The following CRTAC1 variants were observed in gnomAD, a reference collection of about 807,000 sequenced individuals.
The protein encoded by CRTAC1 is acidic secreted protein in cartilage.
In CRTAC1, 37 loss-of-function variants were observed where a neutral mutation model predicts 67.8. The ratio of observed to expected loss-of-function variants is 0.55; its 90% CI spans 0.42 to 0.72. The LOEUF (loss-of-function observed/expected upper bound fraction) is 0.72. CRTAC1 is among the 30% of genes least tolerant of loss of function. CRTAC1 has a pLI of 0.00. For missense variants in CRTAC1, 780 were observed against 931.6 expected (o/e 0.84, Z 2.12); for synonymous variants, 348 against 371.0 (o/e 0.94, Z 0.71).
At chr10:97,937,166 T>C (rs1020209776) in intron 2 of CRTAC1, among the ~76,000 whole-genome samples, 1 of 152,216 alleles carries the variant, frequency 6.6e-6, no homozygotes, top group African/African-American at 2.4e-5. Context: ...CTCACTCTCC[T>C]GCGCCTGCAA....
At chr10:97,917,377 C>T (rs2050774165) in intron 5 of CRTAC1, 123 bp downstream of exon 5, 9 of 697,478 alleles carry the variant, frequency 1.3e-5, no homozygotes, top group Middle Eastern at 3.1e-4. Flanking sequence ...TTCATCTCCC[C>T]TCACCAGGGA....
rs117241908 is a variant in CRTAC1, at chr10:97,945,216, G to A, written c.225-8850C>T. Among the ~76,000 whole-genome samples the A allele has an allele frequency of 8.5e-5, 13 of 152,268 alleles. No individual in the cohort carries two copies. The East Asian group carries it at 2.5e-3, about 29-fold the overall frequency. On this transcript the variant is annotated intron_variant, in intron 2 of 14. Transcript: ENST00000370597. The stretch of plus-strand genomic sequence containing the variant: ...AGGCAGGTCTCCCCAAGGGAGGCCT[G>A]GACTAGTTGTGTTGGTACTTGGATC...
Position 98,024,861 on chromosome 10 carries a change from A to G in CRTAC1, c.24+5588T>C, listed in dbSNP as rs544937055. ...TGGGGGTGGGAGAATGATTTGTCCA[A>G]TATTGCACAATGAGTCAGTGGCATA... On this transcript the variant is annotated intron_variant, in intron 1 of 14. Coordinates refer to ENST00000370597, the MANE Select transcript of CRTAC1 (RefSeq NM_018058.7). 3.2e-4 allele frequency among the ~76,000 whole-genome samples: 47 copies of G among 148,296 alleles called. No homozygotes were observed. The Middle Eastern group carries it at 0.022, about 69-fold the overall frequency.
At position 97,906,633 on chromosome 10, in the gene CRTAC1, A is replaced by C. The variant is rs1295279789; in HGVS notation, c.850+1380T>G. Among the ~76,000 whole-genome samples, 3 of 152,242 alleles carry C rather than the reference A, an allele frequency of 2.0e-5. No individual in the cohort carries two copies. In the East Asian group the frequency reaches 5.8e-4, roughly 29 times the overall value. ...CTTTATGATTTTTCAGCAATGAGAA[A>C]ATTTGCTGCCAAAGGATAGCACTAG... On this transcript the variant is annotated intron_variant, in intron 6 of 14. Transcript: ENST00000370597.
chr10:98,016,237 T>C (rs1009907673), intron 1 of CRTAC1, among the ~76,000 whole-genome samples: 11 of 152,230 alleles, frequency 7.2e-5, no homozygotes, highest in Non-Finnish European at 1.6e-4. Flanking sequence ...GGTAGGAATT[T>C]GCAGGCCAAG....
At chr10:97,925,525 G>A (rs939527158) in intron 3 of CRTAC1, among the ~76,000 whole-genome samples, 2 of 151,488 alleles carry the variant, frequency 1.3e-5, no homozygotes, top group African/African-American at 2.4e-5. Flanking sequence ...GTGAGAGTGA[G>A]TGTGGGAAGG....
intron 1 of CRTAC1, among the ~76,000 whole-genome samples, chr10:98,027,724 A>G (rs1843266498): frequency 6.6e-6 from 1 of 152,198 alleles, no homozygotes; most frequent in South Asian, 2.1e-4. Context: ...CACTCTGAAA[A>G]ACAGATTCAA....
chr10:97,945,327 CCTCTTT>C (rs2060720223), intron 2 of CRTAC1, among the ~76,000 whole-genome samples: 1 of 152,142 alleles, frequency 6.6e-6, no homozygotes, highest in South Asian at 2.1e-4. Flanking sequence ...TTTTTCTACT[CCTCTTT>C]CTCTTTCTTC....
chr10:97,896,849 C>T, intron 9 of CRTAC1, 60 bp downstream of exon 9: 2 of 900,660 alleles, frequency 2.2e-6, no homozygotes, highest in Non-Finnish European at 3.4e-6. Context: ...CCGCCCTCAC[C>T]CCAGTGTATG....
chr10:97,951,037 C>T (rs1476620151), intron 2 of CRTAC1, among the ~76,000 whole-genome samples: 3 of 152,206 alleles, frequency 2.0e-5, no homozygotes, highest in Non-Finnish European at 4.4e-5. Flanking sequence ...AATTCCCCCA[C>T]AATGACTATC....
In CRTAC1 at chr10:97,975,946, T is replaced by TA. The variant is rs1480310144; in HGVS notation, c.224+35191dup. On this transcript the variant is annotated intron_variant, in intron 2 of 14. Coordinates refer to ENST00000370597, the MANE Select transcript of CRTAC1 (RefSeq NM_018058.7). The surrounding 1 kb of genome is among the most constrained non-coding windows in gnomAD (Gnocchi z 4.8). ...GTGGCCCGTTCCCCGAACCACATCT[T>TA]ACATCTTCGGGCCCCTATAGAGACC... 6.6e-6 allele frequency among the ~76,000 whole-genome samples: 1 copy of TA among 152,142 alleles called. No homozygotes were observed. Among genetic ancestry groups the TA allele is most frequent in the East Asian group, 1.9e-4 (1 of 5,184 alleles).
At chr10:97,877,746 C>T (rs1208680898) in intron 14 of CRTAC1, among the ~76,000 whole-genome samples, 1 of 152,180 alleles carries the variant, frequency 6.6e-6, no homozygotes, top group African/African-American at 2.4e-5. Flanking sequence ...CTCACTGGAC[C>T]CCACTCACCC....
chr10:97,971,136 T>C (rs2051704591), intron 2 of CRTAC1, among the ~76,000 whole-genome samples: 1 of 152,252 alleles, frequency 6.6e-6, no homozygotes, highest in African/African-American at 2.4e-5. Context: ...AGTAAAAATT[T>C]GTAAAATGGT....
intron 11 of CRTAC1, 27 bp from the exon 12 acceptor site, chr10:97,884,378 G>T (rs773297966): frequency 6.5e-7 from 1 of 1,547,900 alleles, no homozygotes; most frequent in South Asian, 1.2e-5. Context: ...GAGAGCATCA[G>T]CAGCAGAGGA....
At chr10:98,003,399 G>A (rs903993799) in intron 2 of CRTAC1, among the ~76,000 whole-genome samples, 1 of 152,188 alleles carries the variant, frequency 6.6e-6, no homozygotes, top group Non-Finnish European at 1.5e-5. Context: ...GCAGGGCTGT[G>A]TTTTCTTCCG....
Position 97,936,375 on chromosome 10 carries a change from G to A in CRTAC1, c.225-9C>T, listed in dbSNP as rs745672275. On this transcript the variant is annotated splice_polypyrimidine_tract_variant and intron_variant, in intron 2 of 14. Transcript: ENST00000370597. ...GGTTGGGTCCATTGTACCTGGAGGA[G>A]GAATGGGGAGGGGATGCTGGGGAGG... The A allele has an allele frequency of 1.3e-6, 2 of 1,596,448 alleles. No individual in the cohort carries two copies. The highest frequency in any genetic ancestry group is 1.7e-5 in the Admixed American group (1 of 59,496).
chr10:97,955,690 C>T (rs894315455), intron 2 of CRTAC1, among the ~76,000 whole-genome samples: 2 of 152,192 alleles, frequency 1.3e-5, no homozygotes, highest in African/African-American at 2.4e-5. Flanking sequence ...GTATTTCTCT[C>T]GCTAGACCTT....
At chr10:98,027,377 A>C (rs558013186) in intron 1 of CRTAC1, among the ~76,000 whole-genome samples, 24 of 152,218 alleles carry the variant, frequency 1.6e-4, no homozygotes, top group Non-Finnish European at 2.9e-4. Context: ...AGCTGGGAGC[A>C]GCAAGGGTGG....
chr10:98,010,188 C>T (rs138664056), intron 2 of CRTAC1, among the ~76,000 whole-genome samples: 407 of 152,106 alleles, frequency 2.7e-3, no homozygotes, highest in African/African-American at 8.8e-3. Flanking sequence ...TACATGCGCG[C>T]GCCACCATGC....
Sources: gnomAD v4.1 joint callset for allele counts (sites outside exome capture counted in the v4.1 genomes callset) on GRCh38, gnomAD v4.1.1 for gene constraint, Gnocchi (gnomAD v3.1) non-coding constraint, MANE v1.5 for transcripts, NCBI Gene and HGNC (gene_info 2026-07-23, HGNC 2026-07-21) for gene names.